The following GUCY1B1 variants were observed in gnomAD, a reference collection of about 807,000 sequenced individuals.
GUCY1B1 encodes the protein guanylate cyclase soluble subunit beta-1.
GUCY1B1 carries 43 observed loss-of-function variants against 71.0 expected under a neutral mutation model. The observed-to-expected ratio is 0.61, with a 90% CI of 0.47 to 0.78. The LOEUF (loss-of-function observed/expected upper bound fraction) is 0.78. GUCY1B1 is among the 30% of genes least tolerant of loss of function. The pLI, the probability that GUCY1B1 is intolerant of heterozygous loss-of-function variation, is 0.00. For synonymous variants in GUCY1B1, 266 were observed against 259.7 expected (o/e 1.02, Z -0.23); for missense variants, 535 against 754.1 (o/e 0.71, Z 3.40).
At chr4:155,785,963 GT>G (rs1237587601) in intron 4 of GUCY1B1, among the ~76,000 whole-genome samples, 1 of 152,096 alleles carries the variant, frequency 6.6e-6, no homozygotes, top group East Asian at 1.9e-4. Context: ...CTCATTTGGT[GT>G]TTTTGGTATC....
At chr4:155,788,014 T>C (rs1738913859) in intron 4 of GUCY1B1, among the ~76,000 whole-genome samples, 1 of 152,228 alleles carries the variant, frequency 6.6e-6, no homozygotes, top group East Asian at 1.9e-4. Flanking sequence ...TAATCACCAG[T>C]TGTGAATAGA....
At position 155,793,987 on chromosome 4, in the gene GUCY1B1, C is replaced by T. The variant is rs377422732; in HGVS notation, c.627C>T (p.Ser209=). The change falls in exon 6 of 14, where the codon AGC becomes AGT. Residue 209 remains serine, a synonymous_variant. Coordinates refer to ENST00000264424, the MANE Select transcript of GUCY1B1 (RefSeq NM_000857.5). ...EENGTQESRI[S]PYTFCKAFPF... is the part of the protein sequence containing the mutation. ...ATGGTACCCAGGAATCACGCATCAG[C>T]CCATATACATTCTGCAAAGCTTTTC... 8.2e-5 allele frequency: 132 copies of T among 1,611,178 alleles called. No homozygotes were observed. The highest frequency in any genetic ancestry group is 9.3e-5 in the Non-Finnish European group (110 of 1,177,360).
chr4:155,778,624 C>G (rs1199570974), intron 4 of GUCY1B1, among the ~76,000 whole-genome samples: 1 of 152,130 alleles, frequency 6.6e-6, no homozygotes, highest in African/African-American at 2.4e-5. Context: ...CTTAAAACAG[C>G]ATTAAATCAA....
chr4:155,799,983 G>C lies in GUCY1B1; in HGVS notation c.1084G>C (p.Glu362Gln). 1 of 1,613,312 alleles carries C rather than the reference G, an allele frequency of 6.2e-7. No individual in the cohort carries two copies. Among genetic ancestry groups the C allele is most frequent in the Non-Finnish European group, 8.5e-7 (1 of 1,179,392 alleles). The change falls in exon 9 of 14, where the codon GAA (glutamate) becomes CAA (glutamine). Residue 362 changes from glutamate (E) to glutamine (Q), a missense_variant. Coordinates refer to ENST00000264424, the MANE Select transcript of GUCY1B1 (RefSeq NM_000857.5). Reference protein sequence around the residue: ...LVLLGEQFREEYKLTQELEIL... With the variant: ...LVLLGEQFREQYKLTQELEIL... ...TCTTTTGGGAGAACAATTTAGAGAG[G>C]AATACAAACTCACCCAAGAACTGGA... is the stretch of plus-strand genomic sequence containing the variant.
At chr4:155,779,650 T>C (rs1002667505) in intron 4 of GUCY1B1, among the ~76,000 whole-genome samples, 2 of 152,206 alleles carry the variant, frequency 1.3e-5, no homozygotes, top group African/African-American at 4.8e-5. Flanking sequence ...TAAGGGCAAA[T>C]TGAATATGTT....
At chr4:155,799,815 CG>C (rs1352114047) in intron 8 of GUCY1B1, 61 bp from the exon 9 acceptor site, 5 of 863,802 alleles carry the variant, frequency 5.8e-6, no homozygotes, top group Non-Finnish European at 9.1e-6. Flanking sequence ...TGACAGAAAT[CG>C]GGATTGCATT....
intron 4 of GUCY1B1, among the ~76,000 whole-genome samples, chr4:155,779,399 TGGC>T (rs1738268474): frequency 6.6e-6 from 1 of 152,204 alleles, no homozygotes; most frequent in Non-Finnish European, 1.5e-5. Flanking sequence ...GAATAAAAGA[TGGC>T]TCATTCACAA....
intron 4 of GUCY1B1, 35 bp from the exon 5 acceptor site, chr4:155,789,679 A>C: frequency 7.9e-7 from 1 of 1,265,376 alleles, no homozygotes; most frequent in Non-Finnish European, 1.1e-6. Context: ...TTGCGAAAGC[A>C]TTGTTTATTG....
intron 4 of GUCY1B1, chr4:155,785,194 C>G: frequency 1.6e-6 from 1 of 637,416 alleles, no homozygotes; most frequent in East Asian, 2.9e-5. Context: ...TTAGGTATCT[C>G]AAGATATCAA....
rs749228971 is a variant in GUCY1B1 at position 155,789,767 on chromosome 4, A to C, written c.351A>C (p.Ala117=). 2 of 1,610,246 alleles carry C rather than the reference A, an allele frequency of 1.2e-6. No individual in the cohort carries two copies. Among genetic ancestry groups the C allele is most frequent in the Non-Finnish European group, 1.7e-6 (2 of 1,176,596 alleles). The change falls in exon 5 of 14, where the codon GCA becomes GCC. Residue 117 remains alanine, a synonymous_variant. Transcript: ENST00000264424. ...CTACCATCTACCCAGGAATGCGTGC[A>C]CCTTCCTTTAGGTGCACTGATGCAG... is the stretch of plus-strand genomic sequence containing the variant. The part of the protein sequence containing the change: ...HLATIYPGMR[A]PSFRCTDAEK...
chr4:155,765,224 C>G (rs961813177), intron 2 of GUCY1B1, among the ~76,000 whole-genome samples: 3 of 152,074 alleles, frequency 2.0e-5, no homozygotes, highest in East Asian at 3.8e-4. Flanking sequence ...TTGCCTTTCT[C>G]CAGAATAAGG....
Position 155,775,079 on chromosome 4 carries a change from T to G in GUCY1B1, c.178+11T>G. The G allele has an allele frequency of 7.0e-7, 1 of 1,424,270 alleles. No individual in the cohort carries two copies. The highest frequency in any genetic ancestry group is 1.1e-5 in the South Asian group (1 of 87,268). The allele number at this position is 1,424,270 out of a possible 1,614,324, so 88.2% of individuals were successfully genotyped here. ...CAAGCAAAGTCCTCAGTAAGTTGAA[T>G]GCAACTTTCCTTCTTTGGCCAAGTT... On this transcript the variant is annotated intron_variant, in intron 3 of 13. Coordinates refer to ENST00000264424, the MANE Select transcript of GUCY1B1 (RefSeq NM_000857.5).
chr4:155,759,398 G>C (rs1736794029), intron 1 of GUCY1B1: 2 of 544,764 alleles, frequency 3.7e-6, no homozygotes, highest in Non-Finnish European at 6.4e-6. Flanking sequence ...AGCTCGGGAA[G>C]GGGAGGTGCG....
At chr4:155,784,392 T>C (rs1477841876) in intron 4 of GUCY1B1, among the ~76,000 whole-genome samples, 4 of 152,192 alleles carry the variant, frequency 2.6e-5, no homozygotes, top group African/African-American at 9.6e-5. Context: ...GGGTTTGATG[T>C]TCCATTTTAC....
At chr4:155,793,745 T>A in intron 5 of GUCY1B1, 111 bp from the exon 6 acceptor site, 1 of 613,234 alleles carries the variant, frequency 1.6e-6, no homozygotes. Flanking sequence ...TGTTTTGAAT[T>A]TTTGTAATTA....
chr4:155,785,260 C>T (rs17033527), intron 4 of GUCY1B1: 191,965 of 1,352,170 alleles, frequency 0.14, 14,797 homozygotes, highest in South Asian at 0.21. Context: ...TTTATGAAGC[C>T]TAGAAGAATG....
At chr4:155,768,670 A>G (rs1447858718) in intron 2 of GUCY1B1, among the ~76,000 whole-genome samples, 1 of 152,194 alleles carries the variant, frequency 6.6e-6, no homozygotes, top group East Asian at 1.9e-4. Context: ...TAAAAATACC[A>G]ACTACCTCTT....
chr4:155,759,766 A>G lies in GUCY1B1; in HGVS notation c.4-21A>G, dbSNP rs542426210. ...AGGTACAGCGGGTCCCTGACGCTCA[A>G]GTCTCTCCCTGTCCCCGCAGTACGG... On this transcript the variant is annotated intron_variant, in intron 1 of 13. Coordinates refer to ENST00000264424, the MANE Select transcript of GUCY1B1 (RefSeq NM_000857.5). 29 of 1,596,328 alleles carry G rather than the reference A, an allele frequency of 1.8e-5. No homozygotes were observed. The African/African-American group carries it at 3.3e-4, about 18-fold the overall frequency.
Position 155,794,003 on chromosome 4 carries a change from A to G in GUCY1B1, c.643A>G (p.Lys215Glu). Residue 215 changes from lysine (K) to glutamate (E), a missense_variant, in exon 6 of 14, where the codon AAA (lysine) becomes GAA (glutamate). Lys to Glu is a moderately conservative substitution (Grantham distance 56). Coordinates refer to ENST00000264424, the MANE Select transcript of GUCY1B1 (RefSeq NM_000857.5). ...ESRISPYTFC[K>E]AFPFHIIFDR... The stretch of plus-strand genomic sequence containing the variant: ...ACGCATCAGCCCATATACATTCTGC[A>G]AAGCTTTTCCTTTTCATATAATATT... 6.2e-7 allele frequency: 1 copy of G among 1,613,254 alleles called. No homozygotes were observed. The highest frequency in any genetic ancestry group is 8.5e-7 in the Non-Finnish European group (1 of 1,179,218).
Sources: gnomAD v4.1 joint callset for allele counts (sites outside exome capture counted in the v4.1 genomes callset) on GRCh38, gnomAD v4.1.1 for gene constraint, MANE v1.5 for transcripts, NCBI Gene and HGNC (gene_info 2026-07-23, HGNC 2026-07-21) for gene names.